The following DOCK7 variants were observed in gnomAD, a reference collection of about 807,000 sequenced individuals.
The protein encoded by DOCK7 is dedicator of cytokinesis 7.
A neutral mutation model predicts 271.0 loss-of-function variants in DOCK7; 138 were observed. That is an observed-to-expected ratio of 0.51 (90% CI 0.44 to 0.59). The LOEUF is 0.59. Ranked by LOEUF, DOCK7 falls within the 20% of genes least tolerant of loss-of-function variation. The probability of loss-of-function intolerance (pLI) is 0.00; values close to 1 mark genes in which losing one functional copy is unlikely to be tolerated. For missense variants in DOCK7, 2,066 were observed against 2,592.4 expected, an observed-to-expected ratio of 0.80 and a Z score of 4.41; for synonymous variants, 823 against 876.1, an observed-to-expected ratio of 0.94 and a Z score of 1.07.
chr1:62,552,853 G>C lies in DOCK7; in HGVS notation c.2645C>G (p.Ser882Cys), dbSNP rs540501017. The change falls in exon 22 of 50, where the codon TCT becomes TGT. Residue 882 changes from serine (S) to cysteine (C), a missense_variant. By Grantham distance (112) the Ser-to-Cys change is moderately radical (BLOSUM62 -1). Transcript: ENST00000635253. ...ATTAAGGCTTGCAGGTCTCACCGCA[G>C]ATCTAGCCATTGTGGCATAATGCAC... ...GSVHYATMAR[S>C]AVRPASLNLN... is the part of the protein sequence containing the mutation. 2 of 1,613,584 alleles carry C rather than the reference G, an allele frequency of 1.2e-6. No individual in the cohort carries two copies. Among genetic ancestry groups the C allele is most frequent in the East Asian group, 2.2e-5 (1 of 44,832 alleles).
chr1:62,462,628 A>G (rs1047867433), intron 48 of DOCK7, among the ~76,000 whole-genome samples: 6 of 152,208 alleles, frequency 3.9e-5, no homozygotes, highest in African/African-American at 1.4e-4. Flanking sequence ...AGTCAACTGG[A>G]TATCTGTAAG....
chr1:62,494,552 G>GAA, intron 39 of DOCK7, 85 bp from the exon 40 acceptor site: 1 of 1,334,868 alleles, frequency 7.5e-7, no homozygotes, highest in Non-Finnish European at 1.0e-6. Context: ...AGTTTACCTA[G>GAA]AAAGGTTTTT....
At chr1:62,618,916 A>C (rs1378967655) in intron 13 of DOCK7, 48 bp from the exon 14 acceptor site, 1 of 1,536,602 alleles carries the variant, frequency 6.5e-7, no homozygotes, top group South Asian at 1.2e-5. Flanking sequence ...AAAAAAGTCC[A>C]CGTTAAACAT....
chr1:62,469,766 A>G (rs1645776541), intron 48 of DOCK7, among the ~76,000 whole-genome samples: 1 of 152,224 alleles, frequency 6.6e-6, no homozygotes, highest in South Asian at 2.1e-4. Flanking sequence ...ACATGAACAG[A>G]CAATTCCCAA....
chr1:62,496,462 T>C lies in DOCK7; in HGVS notation c.4800A>G (p.Ser1600=), dbSNP rs757952503. 1 of 1,613,536 alleles carries C rather than the reference T, an allele frequency of 6.2e-7. No homozygotes were observed. Among genetic ancestry groups the C allele is most frequent in the Admixed American group, 1.7e-5 (1 of 59,980 alleles). Residue 1600 remains serine (S), a synonymous_variant, in exon 38 of 50, where the codon TCA becomes TCG. Coordinates refer to ENST00000635253, the MANE Select transcript of DOCK7 (RefSeq NM_001367561.1). ...GAGATGTGCCCACCAAGGAGGATAGTGACATTGTTACCTGCATTTTAACCC... is the reference window on the plus strand; with the variant it reads ...GAGATGTGCCCACCAAGGAGGATAGCGACATTGTTACCTGCATTTTAACCC... ...FARVKMQVTM[S]LSSLVGTSQN...
chr1:62,538,097 G>T (rs1645406800), intron 27 of DOCK7, 36 bp from the exon 28 acceptor site: 1 of 1,582,960 alleles, frequency 6.3e-7, no homozygotes, highest in African/African-American at 1.4e-5. Flanking sequence ...AACACCAATT[G>T]AATCTATTAT....
At chr1:62,687,242 A>C (rs2149791756) in intron 1 of DOCK7, among the ~76,000 whole-genome samples, 1 of 152,380 alleles carries the variant, frequency 6.6e-6, no homozygotes, top group Admixed American at 6.5e-5. Flanking sequence ...CTACTGTCTC[A>C]TACATAAGTA....
At chr1:62,687,028 C>T (rs1157333732) in intron 1 of DOCK7, among the ~76,000 whole-genome samples, 2 of 152,124 alleles carry the variant, frequency 1.3e-5, no homozygotes, top group Non-Finnish European at 2.9e-5. Context: ...GATCCTCCTG[C>T]CTCGGCCTCC....
intron 37 of DOCK7, among the ~76,000 whole-genome samples, chr1:62,500,387 G>T (rs1371225690): frequency 3.3e-5 from 5 of 151,986 alleles, no homozygotes; most frequent in Admixed American, 1.3e-4. Context: ...AAATGAAGAT[G>T]AAATTTTAAA....
At chr1:62,572,632 TGG>T (rs142666378) in intron 18 of DOCK7, among the ~76,000 whole-genome samples, 59,308 of 151,942 alleles carry the variant, frequency 0.39, 12,443 homozygotes, top group African/African-American at 0.55. Context: ...TTCTTGCAAC[TGG>T]GGGAGAGGGG....
chr1:62,542,539 C>T, intron 25 of DOCK7, 69 bp downstream of exon 25: 5 of 1,455,088 alleles, frequency 3.4e-6, no homozygotes, highest in Non-Finnish European at 3.8e-6. Flanking sequence ...TCTAAGGTAA[C>T]AAATGAGCTA....
intron 1 of DOCK7, among the ~76,000 whole-genome samples, chr1:62,675,478 G>C (rs1660448067): frequency 6.6e-6 from 1 of 152,090 alleles, no homozygotes; most frequent in African/African-American, 2.4e-5. Context: ...TGGCTAATAA[G>C]CACATAAAAA....
chr1:62,561,661 C>T lies in DOCK7; in HGVS notation c.2155G>A (p.Val719Ile), dbSNP rs1482739993. The T allele has an allele frequency of 1.3e-6, 2 of 1,575,034 alleles. No homozygotes were observed. The highest frequency in any genetic ancestry group is 1.7e-6 in the Non-Finnish European group (2 of 1,166,714). ...GMKWVDNHKG[V>I]FNVEVVAVSS... ...ACAGCAACAACTTCAACATTAAAAA[C>T]ACCTTTGTGATTATCTACCCATTTC... The change falls in exon 19 of 50, where the codon GTT (valine) becomes ATT (isoleucine). Residue 719 changes from valine to isoleucine, a missense_variant. This residue lies in a region of DOCK7 where 1,414 missense variants were observed against 1,670.4 expected (regional missense o/e 0.85). Transcript: ENST00000635253.
At chr1:62,492,622 T>C in intron 41 of DOCK7, 82 bp downstream of exon 41, 1 of 1,556,562 alleles carries the variant, frequency 6.4e-7, no homozygotes, top group African/African-American at 1.4e-5. Flanking sequence ...AGTAGGGTCA[T>C]AAGCCAGAGA....
chr1:62,644,448 C>T (rs1436390263), intron 7 of DOCK7, among the ~76,000 whole-genome samples: 3 of 152,206 alleles, frequency 2.0e-5, no homozygotes, highest in Non-Finnish European at 4.4e-5. Context: ...ATCCTCCTTG[C>T]ATGCCAAGCT....
At chr1:62,466,873 G>A (rs753626704) in intron 48 of DOCK7, among the ~76,000 whole-genome samples, 1 of 151,946 alleles carries the variant, frequency 6.6e-6, no homozygotes, top group Non-Finnish European at 1.5e-5. Flanking sequence ...GGCCGAGATC[G>A]CGCCATTGCA....
chr1:62,553,139 A>G (rs1192981624), intron 21 of DOCK7, among the ~76,000 whole-genome samples: 1 of 142,498 alleles, frequency 7.0e-6, no homozygotes, highest in Non-Finnish European at 1.5e-5. Context: ...GGTTCAAGCA[A>G]TTCTCCTGCC....
Position 62,598,056 on chromosome 1 carries a change from C to T in DOCK7, c.1683-11432G>A, listed in dbSNP as rs775976787. 10 of 1,580,210 alleles carry T rather than the reference C, an allele frequency of 6.3e-6. No individual in the cohort carries two copies. The East Asian group carries it at 1.4e-4, about 21-fold the overall frequency. ...TCCAGAACACCCAGAAGTAACTTCA[C>T]TTAAAGTAAGTAGAAAATAAAGAGG... On this transcript the variant is annotated intron_variant, in intron 14 of 49. Transcript: ENST00000635253.
intron 31 of DOCK7, among the ~76,000 whole-genome samples, chr1:62,525,752 A>C (rs541657181): frequency 2.0e-5 from 3 of 152,212 alleles, no homozygotes; most frequent in African/African-American, 4.8e-5. Flanking sequence ...GAATGTCACC[A>C]AAAGTGCAAT....
Sources: allele counts gnomAD v4.1 joint callset (sites outside exome capture counted in the v4.1 genomes callset), GRCh38; gene constraint gnomAD v4.1.1; regional missense constraint gnomAD v4.1.1; transcripts MANE v1.5; gene names NCBI Gene and HGNC (gene_info 2026-07-23, HGNC 2026-07-21).